Variants in ZNF469 observed in about 807,000 individuals in gnomAD.
The protein encoded by ZNF469 is zinc finger protein 469.
ZNF469 carries 1 observed loss-of-function variant against 1.0 expected under a neutral mutation model. The ratio of observed to expected loss-of-function variants is 1.00; its 90% confidence interval spans 0.35 to 4.73. The LOEUF (loss-of-function observed/expected upper bound fraction) is 4.73. Among genes scored for constraint, ZNF469 ranks in the 30% most tolerant of loss-of-function variants. ZNF469 has a pLI of 0.16. For synonymous variants in ZNF469, 2,703 were observed against 2,363.4 expected (o/e 1.14, Z -4.17); for missense variants, 6,100 against 5,356.3 (o/e 1.14, Z -4.33).
the ZNF469 span, among the ~76,000 whole-genome samples, chr16:88,227,306 G>GGGAAGGGGGA: frequency 2.0e-5 from 3 of 152,200 alleles, no homozygotes; most frequent in African/African-American, 7.2e-5. Context: ...AGAGGAAGCG[G>GGGAAGGGGGA]GGAAGGGGGA....
Position 88,432,557 on chromosome 16 carries a change from C to G in ZNF469, c.5087C>G (p.Pro1696Arg), listed in dbSNP as rs115487796. 2 of 1,550,290 alleles carry G rather than the reference C, an allele frequency of 1.3e-6. No individual in the cohort carries two copies. Among genetic ancestry groups the G allele is most frequent in the African/African-American group, 1.4e-5 (1 of 73,036 alleles). ...SPRGANFHFQ[P>R]VQKAGASKTG... ...AGGGGAGCCAACTTCCATTTTCAGC[C>G]AGTGCAGAAAGCCGGAGCCTCCAAG... Residue 1696 changes from proline to arginine, a missense_variant, in exon 3 of 3, where the codon CCA becomes CGA. By Grantham distance (103) the Pro-to-Arg change is moderately radical (BLOSUM62 -2). Coordinates refer to ENST00000565624, the MANE Select transcript of ZNF469 (RefSeq NM_001367624.2).
the ZNF469 span, among the ~76,000 whole-genome samples, chr16:88,372,810 CCACCATCATCAT>C: frequency 0.02 from 3,088 of 151,258 alleles, 58 homozygotes; most frequent in Middle Eastern, 0.049. Context: ...ACCATCATTA[CCACCATCATCAT>C]GATCTTTACC....
At position 88,428,923 on chromosome 16, in the gene ZNF469, C is replaced by A. The variant is rs1470052709; in HGVS notation, c.1453C>A (p.Pro485Thr). 1 of 1,546,282 alleles carries A rather than the reference C, an allele frequency of 6.5e-7. No homozygotes were observed. The highest frequency in any genetic ancestry group is 8.7e-7 in the Non-Finnish European group (1 of 1,145,478). Residue 485 changes from proline to threonine, a missense_variant, in exon 3 of 3, where the codon CCC becomes ACC. Physicochemically the swap from Pro to Thr is conservative, Grantham distance 38. Transcript: ENST00000565624. ...CLPQSAPLPWPQVLPTARPSP... is the reference protein window; with the variant it reads ...CLPQSAPLPWTQVLPTARPSP... ...CCCCCAGAGTGCCCCCCTGCCTTGG[C>A]CCCAAGTGCTCCCGACCGCCCGGCC...
chr16:88,398,489 G>A (rs1253438789), intron 1 of ZNF469, among the ~76,000 whole-genome samples: 1 of 151,914 alleles, frequency 6.6e-6, no homozygotes, highest in Non-Finnish European at 1.5e-5. Flanking sequence ...GATGAAGGGG[G>A]GCATGTGAGC....
chr16:88,201,205 A>C, the ZNF469 span, among the ~76,000 whole-genome samples: 2 of 152,256 alleles, frequency 1.3e-5, no homozygotes, highest in South Asian at 2.1e-4. The surrounding 1 kb of genome is among the most constrained non-coding windows in gnomAD (Gnocchi z 5.0). Context: ...AGGTGAATGC[A>C]GTTCACTGTA....
the ZNF469 span, among the ~76,000 whole-genome samples, chr16:88,131,895 C>T: frequency 8.5e-5 from 13 of 152,160 alleles, no homozygotes; most frequent in East Asian, 3.9e-4. Context: ...CCCACCTGCC[C>T]GCGCCCACCT....
chr16:88,361,245 C>T, the ZNF469 span, among the ~76,000 whole-genome samples: 1 of 152,266 alleles, frequency 6.6e-6, no homozygotes, highest in Non-Finnish European at 1.5e-5. Flanking sequence ...GTAATGTGAG[C>T]CATGGGGAGT....
At chr16:88,129,161 C>T in the ZNF469 span, among the ~76,000 whole-genome samples, 25 of 152,368 alleles carry the variant, frequency 1.6e-4, no homozygotes, top group East Asian at 2.7e-3. Context: ...AGCTCATCCC[C>T]GTGAGCTCTG....
chr16:88,429,251 C>G lies in ZNF469; in HGVS notation c.1781C>G (p.Pro594Arg), dbSNP rs757534069. ...VGASPSESPL[P>R]SPATNTAGST... ...GCCTCCCCCAGCGAGTCCCCACTGC[C>G]GTCACCGGCCACCAACACGGCCGGC... The change falls in exon 3 of 3, where the codon CCG becomes CGG. Residue 594 changes from proline (P) to arginine (R), a missense_variant. Pro to Arg is a moderately radical substitution (Grantham distance 103). Coordinates refer to ENST00000565624, the MANE Select transcript of ZNF469 (RefSeq NM_001367624.2). 3.2e-6 allele frequency: 5 copies of G among 1,549,830 alleles called. No individual in the cohort carries two copies. Among genetic ancestry groups the G allele is most frequent in the Non-Finnish European group, 4.4e-6 (5 of 1,146,826 alleles).
chr16:88,366,074 CCACCATCATCACCATCATCAT>C, the ZNF469 span, among the ~76,000 whole-genome samples: 10,365 of 142,808 alleles, frequency 0.073, 1,152 homozygotes, highest in African/African-American at 0.094. Flanking sequence ...AAATGTGAGG[CCACCATCATCACCATCATCAT>C]CACCATCATC....
the ZNF469 span, among the ~76,000 whole-genome samples, chr16:88,188,230 C>G: frequency 6.6e-6 from 1 of 152,036 alleles, no homozygotes; most frequent in African/African-American, 2.4e-5. Context: ...CCTGTGACAC[C>G]CCAACACCTC....
At chr16:88,232,930 C>G in the ZNF469 span, among the ~76,000 whole-genome samples, 1 of 152,238 alleles carries the variant, frequency 6.6e-6, no homozygotes, top group Non-Finnish European at 1.5e-5. Context: ...GTGGTCTGGC[C>G]GCCGCCTAGC....
chr16:88,410,752 A>G (rs11076711), intron 1 of ZNF469, among the ~76,000 whole-genome samples: 145,763 of 149,808 alleles, frequency 0.97, 71,012 homozygotes, highest in Non-Finnish European at 1. Flanking sequence ...CACAGTTCAC[A>G]GTAACGTCTA....
the ZNF469 span, among the ~76,000 whole-genome samples, chr16:88,229,845 G>A: frequency 6.6e-6 from 1 of 152,200 alleles, no homozygotes; most frequent in East Asian, 1.9e-4. Flanking sequence ...AGCCCAGGGA[G>A]GGTGAACAGC....
the ZNF469 span, among the ~76,000 whole-genome samples, chr16:88,354,630 G>GA: frequency 0.12 from 2,599 of 21,914 alleles, 71 homozygotes; most frequent in African/African-American, 0.24. Context: ...CACCGCGCCC[G>GA]GCCCCCAGCT....
At chr16:88,133,645 T>C in the ZNF469 span, among the ~76,000 whole-genome samples, 6,421 of 150,622 alleles carry the variant, frequency 0.043, 236 homozygotes, top group Non-Finnish European at 0.06. Flanking sequence ...AAATAAATTA[T>C]AAATAAAATA....
chr16:88,191,270 A>G, the ZNF469 span, among the ~76,000 whole-genome samples: 4 of 152,128 alleles, frequency 2.6e-5, no homozygotes, highest in Non-Finnish European at 2.9e-5. Context: ...CTCTTTTGGA[A>G]GAGTGAAGGG....
At chr16:88,306,703 C>T in the ZNF469 span, among the ~76,000 whole-genome samples, 1 of 152,162 alleles carries the variant, frequency 6.6e-6, no homozygotes, top group Non-Finnish European at 1.5e-5. Flanking sequence ...CAACCCAGGA[C>T]CCTGACCAGC....
chr16:88,144,662 G>A, the ZNF469 span, among the ~76,000 whole-genome samples: 7 of 152,110 alleles, frequency 4.6e-5, no homozygotes, highest in East Asian at 1.9e-4. Flanking sequence ...GTCATCACCC[G>A]TGTGGCCCAG....
Sources: allele counts gnomAD v4.1 joint callset (sites outside exome capture counted in the v4.1 genomes callset), GRCh38; gene constraint gnomAD v4.1.1; non-coding constraint Gnocchi (gnomAD v3.1); transcripts MANE v1.5; gene names NCBI Gene and HGNC (gene_info 2026-07-23, HGNC 2026-07-21).